STK3: variants seen among roughly 807,000 people sequenced by gnomAD.
STK3 encodes serine/threonine-protein kinase 3.
Under a neutral mutation model 58.0 loss-of-function variants are expected in STK3, and 41 were observed. That is an observed-to-expected ratio of 0.71 (90% confidence interval 0.55 to 0.92). The LOEUF (loss-of-function observed/expected upper bound fraction) is 0.92, where lower values mean the gene tolerates loss of function less well. Ranked by LOEUF, STK3 falls within the 40% of genes least tolerant of loss-of-function variation. STK3 has a pLI of 0.00. For missense variants in STK3, 479 were observed against 602.7 expected (o/e 0.79, Z 2.15); for synonymous variants, 170 against 191.0 (o/e 0.89, Z 0.91).
intron 4 of STK3, among the ~76,000 whole-genome samples, chr8:98,721,333 G>C (rs1827407736): frequency 6.6e-6 from 1 of 151,974 alleles, no homozygotes; most frequent in Non-Finnish European, 1.5e-5. Context: ...AAATACATAA[G>C]CTTAGAATAC....
intron 1 of STK3, among the ~76,000 whole-genome samples, chr8:98,930,841 T>C (rs1839979363): frequency 6.6e-6 from 1 of 152,160 alleles, no homozygotes; most frequent in Non-Finnish European, 1.5e-5. Flanking sequence ...TCTATACTCA[T>C]GAAAATCCCC....
Position 98,614,528 on chromosome 8 carries a change from T to C in STK3, c.685-18359A>G, listed in dbSNP as rs190180372. 4.4e-3 allele frequency among the ~76,000 whole-genome samples: 677 copies of C among 152,274 alleles called. 7 individuals carry two copies. The highest frequency in any genetic ancestry group is 0.015 in the African/African-American group (621 of 41,554). ...AGCGATGCAGAAGATGGGTGATTTCTGCATTTCCATCTGAGGTACCGGGTT... is the reference window on the plus strand; with the variant it reads ...AGCGATGCAGAAGATGGGTGATTTCCGCATTTCCATCTGAGGTACCGGGTT... On this transcript the variant is annotated intron_variant, in intron 6 of 10. Transcript: ENST00000419617.
chr8:98,475,354 C>T (rs1821227650), intron 10 of STK3, among the ~76,000 whole-genome samples: 1 of 152,118 alleles, frequency 6.6e-6, no homozygotes, highest in Admixed American at 6.5e-5. Context: ...GTAGAACATC[C>T]ATTGTTATAC....
chr8:98,413,791 C>A, intron 3 of STK3: 1 of 631,508 alleles, frequency 1.6e-6, no homozygotes, highest in South Asian at 1.5e-5. Flanking sequence ...CCATCTTCTC[C>A]GAGGGTGGGG....
chr8:98,851,363 G>T (rs914129531), intron 3 of STK3, among the ~76,000 whole-genome samples: 1 of 152,160 alleles, frequency 6.6e-6, no homozygotes, highest in African/African-American at 2.4e-5. Flanking sequence ...ATAGAGAAAG[G>T]CTCTTGTGGC....
intron 8 of STK3, among the ~76,000 whole-genome samples, chr8:98,575,023 G>C (rs1813284584): frequency 1.3e-5 from 2 of 152,116 alleles, no homozygotes; most frequent in African/African-American, 2.4e-5. Context: ...ATTCGGGGTG[G>C]TGGGGGTGAG....
intron 2 of STK3, among the ~76,000 whole-genome samples, chr8:98,771,197 G>T (rs1831296312): frequency 6.6e-6 from 1 of 152,106 alleles, no homozygotes; most frequent in Non-Finnish European, 1.5e-5. Context: ...TACAATATGT[G>T]ACCTTTTATA....
At chr8:98,730,858 G>A (rs1828140513) in intron 4 of STK3, among the ~76,000 whole-genome samples, 2 of 152,112 alleles carry the variant, frequency 1.3e-5, no homozygotes, top group African/African-American at 4.8e-5. Flanking sequence ...TGAAGACTGA[G>A]GGAACTACAA....
chr8:98,356,104 G>A, the STK3 span, among the ~76,000 whole-genome samples: 1 of 152,362 alleles, frequency 6.6e-6, no homozygotes, highest in Middle Eastern at 3.4e-3. Context: ...GTGATACCAT[G>A]CAGATTGGGC....
intron 2 of STK3, among the ~76,000 whole-genome samples, chr8:98,374,635 T>A (rs949841150): frequency 6.6e-6 from 1 of 152,200 alleles, no homozygotes; most frequent in East Asian, 1.9e-4. Context: ...GAATTTTGCA[T>A]GCAGTGTGTG....
At chr8:98,477,310 C>T (rs998670220) in intron 10 of STK3, among the ~76,000 whole-genome samples, 3 of 152,094 alleles carry the variant, frequency 2.0e-5, no homozygotes, top group African/African-American at 7.2e-5. Context: ...AAATAAATTT[C>T]TATGTTTTTC....
chr8:98,843,369 A>G (rs1355543497), intron 3 of STK3, among the ~76,000 whole-genome samples: 3 of 152,174 alleles, frequency 2.0e-5, no homozygotes, highest in African/African-American at 7.2e-5. Flanking sequence ...ATTTGCTTTG[A>G]GTTGGTGGCT....
intron 3 of STK3, among the ~76,000 whole-genome samples, chr8:98,409,094 C>T (rs989862863): frequency 6.6e-6 from 1 of 152,216 alleles, no homozygotes; most frequent in African/African-American, 2.4e-5. Context: ...ATGGTCTCCT[C>T]AGCCCCATGC....
At chr8:98,727,565 T>G (rs1448126999) in intron 4 of STK3, among the ~76,000 whole-genome samples, 1 of 151,126 alleles carries the variant, frequency 6.6e-6, no homozygotes, top group Non-Finnish European at 1.5e-5. Flanking sequence ...GGAAAAGAGG[T>G]TTGTGTAAAG....
At chr8:98,451,781 C>T (rs559588785), downstream of STK3, among the ~76,000 whole-genome samples, 2 of 151,712 alleles carry the variant, frequency 1.3e-5, no homozygotes, top group South Asian at 2.1e-4. Context: ...TCAGACTGCC[C>T]GACCAGGGTC....
At chr8:98,820,729 G>A (rs887335270) in intron 1 of STK3, among the ~76,000 whole-genome samples, 7 of 152,178 alleles carry the variant, frequency 4.6e-5, no homozygotes, top group Admixed American at 6.5e-5. Context: ...TGTAATCCCA[G>A]CACTTTGGGA....
At chr8:98,738,305 T>G (rs1828799871) in intron 4 of STK3, among the ~76,000 whole-genome samples, 1 of 151,818 alleles carries the variant, frequency 6.6e-6, no homozygotes, top group Non-Finnish European at 1.5e-5. Context: ...AAACCCTATC[T>G]CTACTAAAAA....
upstream of STK3, among the ~76,000 whole-genome samples, chr8:98,392,639 G>T (rs1817859265): frequency 1.3e-5 from 2 of 152,172 alleles, no homozygotes; most frequent in African/African-American, 4.8e-5. Flanking sequence ...GCCTGCCCTT[G>T]GGGTCCAGGG....
At chr8:98,347,937 A>G in the STK3 span, among the ~76,000 whole-genome samples, 2,306 of 152,338 alleles carry the variant, frequency 0.015, 67 homozygotes, top group African/African-American at 0.052. Flanking sequence ...ATGGAGAGGC[A>G]AAAGACCCAG....
Sources: gnomAD v4.1 joint callset for allele counts (sites outside exome capture counted in the v4.1 genomes callset) on GRCh38, gnomAD v4.1.1 for gene constraint, MANE v1.5 for transcripts, NCBI Gene and HGNC (gene_info 2026-07-23, HGNC 2026-07-21) for gene names.